GTPBP1: variants seen among roughly 807,000 people sequenced by gnomAD.
GTPBP1 encodes GTP binding protein 1, also known as GTP-binding protein 1.
GTPBP1 carries 23 observed loss-of-function variants against 62.0 expected under a neutral mutation model. That is an observed-to-expected ratio of 0.37 (90% confidence interval 0.27 to 0.53). GTPBP1 has a LOEUF of 0.53. Among genes scored for constraint, GTPBP1 ranks in the 20% least tolerant of loss-of-function variants. The pLI, the probability that GTPBP1 is intolerant of heterozygous loss-of-function variation, is 0.89. For synonymous variants in GTPBP1, 344 were observed against 364.4 expected (o/e 0.94, Z 0.64); for missense variants, 640 against 917.3 (o/e 0.70, Z 3.90).
At chr22:38,715,134 C>G (rs1212061920) in intron 2 of GTPBP1, among the ~76,000 whole-genome samples, 1 of 152,192 alleles carries the variant, frequency 6.6e-6, no homozygotes, top group African/African-American at 2.4e-5. Flanking sequence ...CTGGACTCCC[C>G]CCTTACTGGT....
chr22:38,734,295 A>C, downstream of GTPBP1: 1 of 467,550 alleles, frequency 2.1e-6, no homozygotes, highest in African/African-American at 2.0e-5. Flanking sequence ...CTGGCTGTTC[A>C]AGGGACCTAC....
chr22:38,723,549 C>T (rs1253646507), intron 5 of GTPBP1: 4 of 606,260 alleles, frequency 6.6e-6, no homozygotes, highest in Non-Finnish European at 1.2e-5. Flanking sequence ...GTACTTAGGT[C>T]TTGGCCTGAA....
chr22:38,740,979 GC>G (rs1569297238), downstream of GTPBP1: 1 of 1,578,140 alleles, frequency 6.3e-7, no homozygotes, highest in East Asian at 2.3e-5. The surrounding 1 kb of genome is among the most constrained non-coding windows in gnomAD (Gnocchi z 4.8). Context: ...GGAGGAGCAG[GC>G]CGAGGCCAGC....
chr22:38,742,466 C>T, downstream of GTPBP1: 1 of 1,613,698 alleles, frequency 6.2e-7, no homozygotes, highest in South Asian at 1.1e-5. Flanking sequence ...GCCGCATGGC[C>T]TCCTTCTGCC....
In GTPBP1 at chr22:38,730,188, C is replaced by T. The variant is rs2092749503; in HGVS notation, c.1918-424C>T. Among the ~76,000 whole-genome samples the T allele has an allele frequency of 6.6e-6, 1 of 152,196 alleles. No individual in the cohort carries two copies. Among genetic ancestry groups the T allele is most frequent in the Non-Finnish European group, 1.5e-5 (1 of 68,024 alleles). ...CTCCTGGCGTGATGAAGGCCTGGTG[C>T]CCCTTGCACCCCTCTCCCCAGCATC... On this transcript the variant is annotated intron_variant, in intron 11 of 11. Coordinates refer to ENST00000216044, the MANE Select transcript of GTPBP1 (RefSeq NM_004286.5). This position sits in a 1 kb window ranked among gnomAD's most constrained non-coding sequence, Gnocchi z 5.6.
chr22:38,740,362 G>C (rs780688397), downstream of GTPBP1: 18 of 1,580,174 alleles, frequency 1.1e-5, no homozygotes, highest in Non-Finnish European at 1.5e-5. The surrounding 1 kb of genome is among the most constrained non-coding windows in gnomAD (Gnocchi z 4.8). Context: ...TCCTGCTGCA[G>C]GCCGGCCAGC....
At chr22:38,723,313 A>G (rs2092710601) in intron 5 of GTPBP1, 2 of 846,868 alleles carry the variant, frequency 2.4e-6, no homozygotes, top group Non-Finnish European at 4.2e-6. Context: ...GCTGGGCGAC[A>G]GCAGGTGCAT....
At chr22:38,717,128 C>G (rs1030118261) in intron 4 of GTPBP1, 128 bp downstream of exon 4, 77 of 630,926 alleles carry the variant, frequency 1.2e-4, no homozygotes, top group Non-Finnish European at 1.8e-4. Context: ...GTGAGGCTGG[C>G]GAGTTTTGCA....
rs765222657 is a variant in GTPBP1 at position 38,716,863 on chromosome 22, G to A, written c.697G>A (p.Gly233Ser). ...AGTGAACAAGCCTGACAGCCACGGCGGCAGCCTGGAGTGGACCAAGATCTG... is the reference window on the plus strand; with the variant it reads ...AGTGAACAAGCCTGACAGCCACGGCAGCAGCCTGGAGTGGACCAAGATCTG... ...NVVNKPDSHG[G>S]SLEWTKICEK... Residue 233 changes from glycine to serine, a missense_variant, in exon 4 of 12, where the codon GGC becomes AGC. Gly to Ser is a moderately conservative substitution (Grantham distance 56). Coordinates refer to ENST00000216044, the MANE Select transcript of GTPBP1 (RefSeq NM_004286.5). The surrounding 1 kb of genome is among the most constrained non-coding windows in gnomAD (Gnocchi z 5.2). 2.6e-5 allele frequency: 42 copies of A among 1,613,976 alleles called. No homozygotes were observed. Among genetic ancestry groups the A allele is most frequent in the Non-Finnish European group, 3.3e-5 (39 of 1,179,926 alleles).
In GTPBP1 at chr22:38,716,543, G is replaced by T. The variant is rs999655408; in HGVS notation, c.486-109G>T. 2.6e-6 allele frequency: 2 copies of T among 782,864 alleles called. No individual in the cohort carries two copies. The highest frequency in any genetic ancestry group is 4.2e-6 in the Non-Finnish European group (2 of 475,258). 48.5% of individuals were successfully genotyped at this position (782,864 alleles called of 1,614,324 possible). On this transcript the variant is annotated intron_variant, in intron 3 of 11. Coordinates refer to ENST00000216044, the MANE Select transcript of GTPBP1 (RefSeq NM_004286.5). The surrounding 1 kb of genome is among the most constrained non-coding windows in gnomAD (Gnocchi z 5.2). ...CAAGGAGGAGCTGTGAGCCGGAGGG[G>T]ATCGGGGCAAGCCTGGACTTGCGGA... is the stretch of plus-strand genomic sequence containing the variant.
chr22:38,726,015 G>A lies in GTPBP1; in HGVS notation c.1083G>A (p.Pro361=), dbSNP rs146011021. 14 of 1,613,866 alleles carry A rather than the reference G, an allele frequency of 8.7e-6. No individual in the cohort carries two copies. The highest frequency in any genetic ancestry group is 1.6e-4 in the Middle Eastern group (1 of 6,084). ...TTCTCCCTCTGCTTAGGATGTGCCC[G>A]ATATTCCAGATCTCCAACGTTACAG... The part of the protein sequence containing the change: ...ASNFSSERMC[P]IFQISNVTGE... The change falls in exon 7 of 12, where the codon CCG becomes CCA. Residue 361 remains proline (P), a synonymous_variant. Transcript: ENST00000216044. This position sits in a 1 kb window ranked among gnomAD's most constrained non-coding sequence, Gnocchi z 4.1.
chr22:38,736,155 GCT>G, downstream of GTPBP1: 1 of 1,042,354 alleles, frequency 9.6e-7, no homozygotes. Flanking sequence ...GGGGCCACAG[GCT>G]CCTCTCTTGT....
At chr22:38,738,211 C>T (rs549404842), downstream of GTPBP1, 60 of 1,613,956 alleles carry the variant, frequency 3.7e-5, no homozygotes, top group Admixed American at 6.7e-5. This position sits in a 1 kb window ranked among gnomAD's most constrained non-coding sequence, Gnocchi z 6.6. Context: ...CCGTCCTGAT[C>T]GTAAGTGAAC....
At chr22:38,720,869 G>A (rs1454302241) in intron 4 of GTPBP1, among the ~76,000 whole-genome samples, 1 of 152,168 alleles carries the variant, frequency 6.6e-6, no homozygotes, top group African/African-American at 2.4e-5. Context: ...TACAGATGGG[G>A]AAACTGAGGG....
Position 38,730,930 on chromosome 22 carries a change from T to G in GTPBP1, c.*226T>G. 1 of 524,648 alleles carries G rather than the reference T, an allele frequency of 1.9e-6. No homozygotes were observed. The highest frequency in any genetic ancestry group is 3.4e-6 in the Non-Finnish European group (1 of 297,106). The allele number at this position is 524,648 out of a possible 1,614,324, so 32.5% of individuals were successfully genotyped here. On this transcript the variant is annotated 3_prime_UTR_variant, in exon 12 of 12. Coordinates refer to ENST00000216044, the MANE Select transcript of GTPBP1 (RefSeq NM_004286.5). The surrounding 1 kb of genome is among the most constrained non-coding windows in gnomAD (Gnocchi z 5.6). ...ACCATCTCTCACTGTCCTCCCCACC[T>G]TCTTCCTCACTCACACATTTTTTGT...
intron 2 of GTPBP1, among the ~76,000 whole-genome samples, chr22:38,710,494 G>C (rs982071326): frequency 6.6e-6 from 1 of 152,058 alleles, no homozygotes; most frequent in Non-Finnish European, 1.5e-5. Context: ...CTCTAGTTGC[G>C]GGTCTTACCA....
downstream of GTPBP1, chr22:38,738,649 C>T: frequency 6.2e-7 from 1 of 1,614,038 alleles, no homozygotes; most frequent in Non-Finnish European, 8.5e-7. This position sits in a 1 kb window ranked among gnomAD's most constrained non-coding sequence, Gnocchi z 6.6. Flanking sequence ...GCCTTGGGCA[C>T]ATGCTCTAAG....
downstream of GTPBP1, chr22:38,736,362 A>G: frequency 6.2e-7 from 1 of 1,613,818 alleles, no homozygotes; most frequent in Non-Finnish European, 8.5e-7. Context: ...ACCACCTGGT[A>G]CGTGGCCATC....
chr22:38,709,196 G>A (rs552076194), intron 2 of GTPBP1, among the ~76,000 whole-genome samples: 8 of 152,224 alleles, frequency 5.3e-5, no homozygotes, highest in African/African-American at 1.9e-4. Flanking sequence ...GGAGGCTGAG[G>A]CAGAAGAATT....
Sources: gnomAD v4.1 joint callset for allele counts (sites outside exome capture counted in the v4.1 genomes callset) on GRCh38, gnomAD v4.1.1 for gene constraint, Gnocchi (gnomAD v3.1) non-coding constraint, MANE v1.5 for transcripts, NCBI Gene and HGNC (gene_info 2026-07-23, HGNC 2026-07-21) for gene names.